The following MDGA2 variants were observed in gnomAD, a reference collection of about 807,000 sequenced individuals.
MDGA2 encodes MAM domain containing glycosylphosphatidylinositol anchor 2, also known as MAM domain-containing glycosylphosphatidylinositol anchor protein 2.
A neutral mutation model predicts 117.8 loss-of-function variants in MDGA2; 40 were observed. The observed-to-expected ratio is 0.34, with a 90% CI of 0.26 to 0.44. MDGA2 has a LOEUF of 0.44. MDGA2 is among the 20% of genes least tolerant of loss of function. The pLI is 1.00. For synonymous variants in MDGA2, 452 were observed against 439.0 expected (o/e 1.03, Z -0.37); for missense variants, 1,123 against 1,250.6 (o/e 0.90, Z 1.54).
intron 1 of MDGA2, 23 bp from the exon 2 acceptor site, chr14:47,301,573 G>A (rs1889286771): frequency 2.6e-6 from 4 of 1,551,118 alleles, no homozygotes; most frequent in Non-Finnish European, 3.5e-6. Context: ...GAAGAAGAGA[G>A]ACAAGATACA....
At chr14:47,528,813 C>G (rs1471088442) in intron 1 of MDGA2, among the ~76,000 whole-genome samples, 1 of 152,022 alleles carries the variant, frequency 6.6e-6, no homozygotes, top group Admixed American at 6.6e-5. Flanking sequence ...GATTTTGAAA[C>G]TCATGAATAA....
At chr14:47,136,135 T>C (rs1882442700) in intron 4 of MDGA2, among the ~76,000 whole-genome samples, 1 of 151,698 alleles carries the variant, frequency 6.6e-6, no homozygotes, top group Non-Finnish European at 1.5e-5. Context: ...ACCAAACAAC[T>C]CTACTCTCCA....
chr14:47,081,793 T>G (rs1048571822), intron 6 of MDGA2, among the ~76,000 whole-genome samples: 1 of 152,154 alleles, frequency 6.6e-6, no homozygotes, highest in Admixed American at 6.5e-5. Context: ...GTGAATTTAT[T>G]GCTCAATTTA....
rs572794123 is a variant in MDGA2, at chr14:47,665,320, T to C, written c.280+9197A>G. 3.9e-5 allele frequency among the ~76,000 whole-genome samples: 6 copies of C among 152,358 alleles called. No individual in the cohort carries two copies. The South Asian group carries it at 1.2e-3, about 32-fold the overall frequency. On this transcript the variant is annotated intron_variant, in intron 1 of 16. Transcript: ENST00000399232. ...TTTTATTTGTTTTTCCATTTGTTTCTATCTCCTGGATTCATGCATAACCTC... is the reference window on the plus strand; with the variant it reads ...TTTTATTTGTTTTTCCATTTGTTTCCATCTCCTGGATTCATGCATAACCTC...
At chr14:47,253,306 CA>C (rs1363124499) in intron 2 of MDGA2, among the ~76,000 whole-genome samples, 7 of 152,174 alleles carry the variant, frequency 4.6e-5, no homozygotes, top group African/African-American at 1.7e-4. Context: ...TTATCTGAGA[CA>C]AGGCAAGTCC....
chr14:47,035,105 A>G lies in MDGA2; in HGVS notation c.1725T>C (p.Ser575=), dbSNP rs1055089486. Residue 575 remains serine (S), a synonymous_variant, in exon 8 of 17, where the codon TCT becomes TCC. Coordinates refer to ENST00000399232, the MANE Select transcript of MDGA2 (RefSeq NM_001113498.3). ...YDGTLRIVNV[S]REMSGMYRCQ... ...ATCTGTACATTCCTGACATTTCCCTAGATACATTCACAATCCTCAGTGTTC... is the reference window on the plus strand; with the variant it reads ...ATCTGTACATTCCTGACATTTCCCTGGATACATTCACAATCCTCAGTGTTC... 3 of 1,613,970 alleles carry G rather than the reference A, an allele frequency of 1.9e-6. No individual in the cohort carries two copies. The African/African-American group carries it at 4.0e-5, about 22-fold the overall frequency.
chr14:47,045,379 C>T (rs1253349659), intron 7 of MDGA2, among the ~76,000 whole-genome samples: 1 of 151,892 alleles, frequency 6.6e-6, no homozygotes, highest in Non-Finnish European at 1.5e-5. Context: ...AGAGAATGTC[C>T]TAAACTCTTT....
chr14:47,327,623 C>T (rs1890181135), intron 1 of MDGA2, among the ~76,000 whole-genome samples: 1 of 152,146 alleles, frequency 6.6e-6, no homozygotes, highest in Non-Finnish European at 1.5e-5. Context: ...CTTAGAATTG[C>T]TTCTCATTAT....
chr14:47,261,717 G>A (rs766417890), intron 2 of MDGA2, among the ~76,000 whole-genome samples: 1 of 152,104 alleles, frequency 6.6e-6, no homozygotes, highest in Non-Finnish European at 1.5e-5. Context: ...ATATGTTTAA[G>A]TGTCTGGGTG....
At chr14:47,640,191 A>G (rs762579691) in intron 1 of MDGA2, among the ~76,000 whole-genome samples, 4 of 152,126 alleles carry the variant, frequency 2.6e-5, no homozygotes, top group Non-Finnish European at 5.9e-5. Context: ...TTAATGCCAA[A>G]TGGTCCCCTT....
chr14:46,883,156 A>T (rs1195865904), intron 10 of MDGA2, among the ~76,000 whole-genome samples: 1 of 152,226 alleles, frequency 6.6e-6, no homozygotes, highest in Middle Eastern at 3.4e-3. Context: ...TGGTACAAGA[A>T]AGAAAAACTT....
chr14:47,451,039 C>T (rs897713500), intron 1 of MDGA2, among the ~76,000 whole-genome samples: 6 of 152,108 alleles, frequency 3.9e-5, no homozygotes, highest in African/African-American at 1.2e-4. Flanking sequence ...GGCAGCTACT[C>T]CCTAGAAAAG....
At chr14:46,992,935 T>A (rs926299871) in intron 8 of MDGA2, among the ~76,000 whole-genome samples, 10 of 152,140 alleles carry the variant, frequency 6.6e-5, no homozygotes, top group African/African-American at 2.4e-4. Context: ...TATTGACAAG[T>A]GAAAATGAGT....
chr14:47,451,911 T>C (rs1373177380), intron 1 of MDGA2, among the ~76,000 whole-genome samples: 1 of 152,084 alleles, frequency 6.6e-6, no homozygotes, highest in Non-Finnish European at 1.5e-5. Flanking sequence ...ATGATATGAA[T>C]AGTCAGAAAG....
At position 46,965,196 on chromosome 14, in the gene MDGA2, T is replaced by G. The variant is rs912441189; in HGVS notation, c.1820-7553A>C. Among the ~76,000 whole-genome samples, 17 of 151,514 alleles carry G rather than the reference T, an allele frequency of 1.1e-4. 2 individuals are homozygous for G. The highest frequency in any genetic ancestry group is 2.1e-4 in the Non-Finnish European group (14 of 67,982). ...CCTCGGCCTCCCAAAGTGCTGGGAT[T>G]ACAGGCGCGAGCCACCGCGCCCGGC... On this transcript the variant is annotated intron_variant, in intron 8 of 16. Transcript: ENST00000399232.
chr14:47,618,749 A>G (rs1394490164), intron 1 of MDGA2, among the ~76,000 whole-genome samples: 1 of 152,204 alleles, frequency 6.6e-6, no homozygotes, highest in African/African-American at 2.4e-5. Flanking sequence ...GATTGAGTTT[A>G]AAAGCAAAAA....
chr14:47,016,605 CAA>C (rs927995498), intron 8 of MDGA2, among the ~76,000 whole-genome samples: 1 of 151,990 alleles, frequency 6.6e-6, no homozygotes, highest in Non-Finnish European at 1.5e-5. Context: ...GGAAACAGCT[CAA>C]AACCATCATT....
chr14:47,194,039 A>T (rs927026273), intron 3 of MDGA2, among the ~76,000 whole-genome samples: 6 of 152,200 alleles, frequency 3.9e-5, no homozygotes, highest in Non-Finnish European at 7.3e-5. Flanking sequence ...TATAACTCAA[A>T]GAGGTGTTTA....
chr14:47,254,046 G>C (rs1887536028), intron 2 of MDGA2, among the ~76,000 whole-genome samples: 1 of 152,208 alleles, frequency 6.6e-6, no homozygotes, highest in African/African-American at 2.4e-5. Context: ...GGGATGCAGG[G>C]CACCATGTCC....
Sources: gnomAD v4.1 joint callset for allele counts (sites outside exome capture counted in the v4.1 genomes callset) on GRCh38, gnomAD v4.1.1 for gene constraint, MANE v1.5 for transcripts, NCBI Gene and HGNC (gene_info 2026-07-23, HGNC 2026-07-21) for gene names.